Variants in TNKS observed in about 807,000 individuals in gnomAD.
The protein encoded by TNKS is tankyrase, also known as poly [ADP-ribose] polymerase tankyrase-1.
Under a neutral mutation model 135.8 loss-of-function variants are expected in TNKS, and 72 were observed. The observed-to-expected ratio is 0.53, with a 90% CI of 0.44 to 0.64. The LOEUF (loss-of-function observed/expected upper bound fraction) is 0.64, where lower values mean the gene tolerates loss of function less well. Ranked by LOEUF, TNKS falls within the 30% of genes least tolerant of loss-of-function variation. The pLI, the probability that TNKS is intolerant of heterozygous loss-of-function variation, is 0.00. For synonymous variants in TNKS, 849 were observed against 649.3 expected, an observed-to-expected ratio of 1.31 and a Z score of -4.68; for missense variants, 1,769 against 1,674.0, an observed-to-expected ratio of 1.06 and a Z score of -0.99.
At chr8:9,567,074 A>G (rs181474118) in intron 1 of TNKS, among the ~76,000 whole-genome samples, 17 of 152,300 alleles carry the variant, frequency 1.1e-4, no homozygotes, top group Admixed American at 1.1e-3. Context: ...TCATTTTGTA[A>G]TCTGACGATT....
At chr8:9,656,312 C>T (rs1801365541) in intron 3 of TNKS, among the ~76,000 whole-genome samples, 1 of 152,228 alleles carries the variant, frequency 6.6e-6, no homozygotes, top group South Asian at 2.1e-4. Context: ...TGGGAGAACA[C>T]TCTGCAGGAT....
intron 24 of TNKS, 47 bp downstream of exon 24, chr8:9,765,844 G>A: frequency 1.3e-6 from 2 of 1,518,382 alleles, no homozygotes; most frequent in Non-Finnish European, 1.8e-6. Flanking sequence ...GGCCTTTGCA[G>A]GAGTCAGTAA....
Position 9,752,546 on chromosome 8 carries a change from G to A in TNKS, c.3073G>A (p.Ala1025Thr), listed in dbSNP as rs780536470. The stretch of plus-strand genomic sequence containing the variant: ...TCTTTAATATGTTTCTGTTTTAGTT[G>A]CTGGTCTTGACATGAATATCAGCCA... ...AGTERKEGEVAGLDMNISQFL... is the reference protein window; with the variant it reads ...AGTERKEGEVTGLDMNISQFL... The change falls in exon 20 of 27, where the codon GCT (alanine) becomes ACT (threonine). Residue 1025 changes from alanine (A) to threonine (T), a missense_variant and splice_region_variant. This residue lies in a region of TNKS where 722 missense variants were observed against 688.9 expected (regional missense o/e 1.05). Transcript: ENST00000310430. 4 of 1,609,366 alleles carry A rather than the reference G, an allele frequency of 2.5e-6. No homozygotes were observed. The South Asian group carries it at 3.3e-5, about 13-fold the overall frequency.
chr8:9,636,909 C>G (rs1800533308), intron 3 of TNKS, among the ~76,000 whole-genome samples: 1 of 152,146 alleles, frequency 6.6e-6, no homozygotes, highest in Non-Finnish European at 1.5e-5. Context: ...AAACATCAGG[C>G]CTACTTAGAA....
rs942706571 is a variant in TNKS, at chr8:9,636,154, T to C, written c.994+20477T>C. Among the ~76,000 whole-genome samples, 3 of 152,224 alleles carry C rather than the reference T, an allele frequency of 2.0e-5. No homozygotes were observed. The East Asian group carries it at 5.8e-4, about 29-fold the overall frequency. ...TGGTTGTTACATATACCTATGTGCA[T>C]AAACATAAGCGAGAGGATATAAAGC... On this transcript the variant is annotated intron_variant, in intron 3 of 26. Coordinates refer to ENST00000310430, the MANE Select transcript of TNKS (RefSeq NM_003747.3).
intron 25 of TNKS, among the ~76,000 whole-genome samples, chr8:9,767,246 A>G (rs1807507766): frequency 6.6e-6 from 1 of 152,256 alleles, no homozygotes; most frequent in Non-Finnish European, 1.5e-5. Flanking sequence ...GGCCTTGTTA[A>G]TAGACTTTTA....
Position 9,582,231 on chromosome 8 carries a change from A to G in TNKS, c.898+1848A>G, listed in dbSNP as rs145926604. On this transcript the variant is annotated intron_variant, in intron 2 of 26. Coordinates refer to ENST00000310430, the MANE Select transcript of TNKS (RefSeq NM_003747.3). ...TATATCTTATTTTCTGGAGTTGAAT[A>G]TGGTTAAGGAATTCTGAGATTTTTC... 5.1e-3 allele frequency among the ~76,000 whole-genome samples: 776 copies of G among 152,168 alleles called. 4 individuals are homozygous for G. Among genetic ancestry groups the G allele is most frequent in the Middle Eastern group, 0.017 (5 of 294 alleles).
intron 12 of TNKS, among the ~76,000 whole-genome samples, chr8:9,721,203 A>G (rs1323753640): frequency 2.7e-5 from 4 of 150,556 alleles, no homozygotes; most frequent in Admixed American, 6.7e-5. Context: ...AATTGCTTGA[A>G]CGCGGGAGGC....
chr8:9,741,214 T>C (rs948964837), intron 17 of TNKS: 1 of 152,952 alleles, frequency 6.5e-6, no homozygotes, highest in Non-Finnish European at 1.5e-5. Flanking sequence ...TATGGTTTTC[T>C]ACTAATCCTT....
At chr8:9,587,585 G>C (rs1798434902) in intron 2 of TNKS, among the ~76,000 whole-genome samples, 2 of 151,934 alleles carry the variant, frequency 1.3e-5, no homozygotes, top group African/African-American at 4.8e-5. Context: ...TGTATTTTTA[G>C]TAGAAACGGG....
At chr8:9,606,280 G>T (rs1040645795) in intron 2 of TNKS, among the ~76,000 whole-genome samples, 2 of 149,964 alleles carry the variant, frequency 1.3e-5, no homozygotes, top group Non-Finnish European at 3.0e-5. Flanking sequence ...CCTATATGTT[G>T]CTTTATTTAT....
intron 5 of TNKS, among the ~76,000 whole-genome samples, chr8:9,695,133 T>G (rs1189154554): frequency 6.7e-6 from 1 of 148,624 alleles, no homozygotes; most frequent in Non-Finnish European, 1.5e-5. Flanking sequence ...GTTGTCATGA[T>G]TTTATTGCTC....
At chr8:9,704,242 T>C (rs938757247) in intron 5 of TNKS, among the ~76,000 whole-genome samples, 2 of 152,168 alleles carry the variant, frequency 1.3e-5, no homozygotes, top group Admixed American at 6.5e-5. Flanking sequence ...GATCTTTAGA[T>C]AAAGTTTTAT....
chr8:9,615,343 A>G (rs752190742), intron 2 of TNKS: 3 of 313,806 alleles, frequency 9.6e-6, no homozygotes, highest in Non-Finnish European at 1.7e-5. Flanking sequence ...AGATTTTTCT[A>G]GTTTCATGTT....
rs1012788689 is a variant in TNKS, at chr8:9,676,323, T to C, written c.995-3628T>C. Among the ~76,000 whole-genome samples, 4 of 152,282 alleles carry C rather than the reference T, an allele frequency of 2.6e-5. No individual in the cohort carries two copies. In the East Asian group the frequency reaches 5.8e-4, roughly 22 times the overall value. On this transcript the variant is annotated intron_variant, in intron 3 of 26. Transcript: ENST00000310430. Reference sequence around the variant, plus strand: ...CCACCATGCCTGGCCCAGAATTCTTTTTTAGCCTCTCATTGCTTTAAGAAT... The same window carrying C: ...CCACCATGCCTGGCCCAGAATTCTTCTTTAGCCTCTCATTGCTTTAAGAAT...
intron 2 of TNKS, among the ~76,000 whole-genome samples, chr8:9,583,078 A>T (rs761608896): frequency 6.6e-6 from 1 of 151,394 alleles, no homozygotes; most frequent in African/African-American, 2.4e-5. Flanking sequence ...GAGGCAGGAG[A>T]ATGGCATGAA....
intron 3 of TNKS, among the ~76,000 whole-genome samples, chr8:9,671,560 G>A (rs934895144): frequency 6.6e-6 from 1 of 152,144 alleles, no homozygotes; most frequent in Non-Finnish European, 1.5e-5. Context: ...AAATAAAACT[G>A]GGGACAGAAA....
At chr8:9,694,266 C>CT (rs1201594941) in intron 5 of TNKS, among the ~76,000 whole-genome samples, 8 of 151,896 alleles carry the variant, frequency 5.3e-5, no homozygotes, top group Admixed American at 2.0e-4. Flanking sequence ...CTCATTCATT[C>CT]TTTTTTTTAA....
chr8:9,658,738 T>G (rs1045287011), intron 3 of TNKS, among the ~76,000 whole-genome samples: 1 of 152,172 alleles, frequency 6.6e-6, no homozygotes, highest in African/African-American at 2.4e-5. Flanking sequence ...ATAACAGTAT[T>G]AACCTTAAAT....
Sources: allele counts gnomAD v4.1 joint callset (sites outside exome capture counted in the v4.1 genomes callset), GRCh38; gene constraint gnomAD v4.1.1; regional missense constraint gnomAD v4.1.1; transcripts MANE v1.5; gene names NCBI Gene and HGNC (gene_info 2026-07-23, HGNC 2026-07-21).